MYO5B: variants seen among roughly 807,000 people sequenced by gnomAD.
The protein encoded by MYO5B is unconventional myosin-Vb.
A neutral mutation model predicts 229.3 loss-of-function variants in MYO5B; 143 were observed. The observed-to-expected ratio is 0.62, with a 90% confidence interval of 0.54 to 0.72. The LOEUF is 0.72. MYO5B is among the 30% of genes least tolerant of loss of function. The pLI is 0.00. For missense variants in MYO5B, 2,321 were observed against 2,331.0 expected (o/e 1.00, Z 0.09); for synonymous variants, 918 against 885.2 (o/e 1.04, Z -0.66).
intron 17 of MYO5B, among the ~76,000 whole-genome samples, chr18:49,919,689 C>G (rs1319311113): frequency 1.3e-5 from 2 of 152,152 alleles, no homozygotes; most frequent in African/African-American, 4.8e-5. Flanking sequence ...GATGAGAATG[C>G]ATAGAAACGG....
chr18:49,986,252 C>T (rs115298247), intron 7 of MYO5B, among the ~76,000 whole-genome samples: 3 of 152,292 alleles, frequency 2.0e-5, no homozygotes, highest in African/African-American at 4.8e-5. Context: ...TCTCTGCCTA[C>T]CTCTCCTTCC....
intron 1 of MYO5B, among the ~76,000 whole-genome samples, chr18:50,092,139 C>A (rs1211204702): frequency 6.6e-6 from 1 of 152,066 alleles, no homozygotes; most frequent in Admixed American, 6.5e-5. Context: ...TAAGGGCCAG[C>A]AGAAACAAAG....
Position 49,902,675 on chromosome 18 carries a change from G to C in MYO5B, c.2730C>G (p.Ala910=), listed in dbSNP as rs1421423679. ...GACGTTTCAGATGCTCTGCTGAGCG[G>C]GCCTCAATCCTGAGGGCCTTCAGCT... is the stretch of plus-strand genomic sequence containing the variant. The part of the protein sequence containing the change: ...RRELKALRIE[A]RSAEHLKRLN... Residue 910 remains alanine, a synonymous_variant, in exon 21 of 40, where the codon GCC becomes GCG. Coordinates refer to ENST00000285039, the MANE Select transcript of MYO5B (RefSeq NM_001080467.3). 6.2e-7 allele frequency: 1 copy of C among 1,613,070 alleles called. No individual in the cohort carries two copies. Among genetic ancestry groups the C allele is most frequent in the Non-Finnish European group, 8.5e-7 (1 of 1,180,028 alleles).
At chr18:50,162,741 G>A (rs543078814) in intron 1 of MYO5B, among the ~76,000 whole-genome samples, 1 of 152,330 alleles carries the variant, frequency 6.6e-6, no homozygotes, top group Admixed American at 6.5e-5. Context: ...GCCTCTAAGT[G>A]CTGCACTGTG....
chr18:50,073,405 C>T (rs1395435326), intron 1 of MYO5B, among the ~76,000 whole-genome samples: 3 of 152,182 alleles, frequency 2.0e-5, no homozygotes, highest in Admixed American at 6.5e-5. Flanking sequence ...TACATGCAAG[C>T]ATCGTGAGAA....
chr18:49,865,430 A>G (rs2024385004), intron 27 of MYO5B, among the ~76,000 whole-genome samples: 1 of 152,158 alleles, frequency 6.6e-6, no homozygotes, highest in Non-Finnish European at 1.5e-5. Flanking sequence ...ATTAATAATG[A>G]TCATTGATGA....
At chr18:49,829,545 G>C (rs4502326) in intron 39 of MYO5B, among the ~76,000 whole-genome samples, 11,376 of 152,210 alleles carry the variant, frequency 0.075, 928 homozygotes, top group East Asian at 0.3. Flanking sequence ...ATTAACACCA[G>C]TTCTCAAACT....
chr18:49,956,277 A>G (rs2025491540), intron 12 of MYO5B, among the ~76,000 whole-genome samples: 1 of 152,160 alleles, frequency 6.6e-6, no homozygotes, highest in Non-Finnish European at 1.5e-5. Context: ...AACTCATTTA[A>G]CCCTCATACA....
At chr18:50,112,813 G>C (rs2031890354) in intron 1 of MYO5B, among the ~76,000 whole-genome samples, 1 of 152,166 alleles carries the variant, frequency 6.6e-6, no homozygotes, top group Non-Finnish European at 1.5e-5. Context: ...ATTTTCAGCA[G>C]TGTAACATCC....
chr18:49,864,013 G>C, intron 28 of MYO5B, 128 bp downstream of exon 28: 1 of 1,395,094 alleles, frequency 7.2e-7, no homozygotes. Flanking sequence ...TTTTGGAGGA[G>C]ACCCCACAGC....
chr18:50,064,997 T>A (rs779787152), intron 1 of MYO5B, among the ~76,000 whole-genome samples: 4 of 152,174 alleles, frequency 2.6e-5, no homozygotes, highest in Non-Finnish European at 5.9e-5. Context: ...AGTTGGTTTG[T>A]CCTTACTCTG....
rs1555645746 is a variant in MYO5B, at chr18:49,942,396, A to AAAAAC, written c.1753-5000_1753-4999insGTTTT. Reference sequence around the variant, plus strand: ...TCTGCACAGCAAAAAAAAAAAAAAAAAAAAAAAAACTACCGTCAGAGTGAA... The same window carrying AAAAAC: ...TCTGCACAGCAAAAAAAAAAAAAAAAAAAACAAAAAAAAACTACCGTCAGAGTGAA... On this transcript the variant is annotated intron_variant, in intron 14 of 39. Transcript: ENST00000285039. Among the ~76,000 whole-genome samples, 338 of 134,014 alleles carry AAAAAC rather than the reference A, an allele frequency of 2.5e-3. 2 individuals are homozygous for AAAAAC. Among genetic ancestry groups the AAAAAC allele is most frequent in the African/African-American group, 8.4e-3 (288 of 34,272 alleles). The allele number at this position is 134,014 out of a possible 152,430, so 87.9% of individuals were successfully genotyped here.
chr18:50,043,022 G>A (rs1262488947), intron 2 of MYO5B, among the ~76,000 whole-genome samples: 3 of 151,872 alleles, frequency 2.0e-5, no homozygotes, highest in Non-Finnish European at 4.4e-5. Context: ...AAAATAGTGT[G>A]TAGATTCCTT....
intron 25 of MYO5B, 62 bp from the exon 26 acceptor site, chr18:49,875,889 A>G (rs981684908): frequency 5.0e-6 from 8 of 1,589,862 alleles, no homozygotes; most frequent in Admixed American, 3.3e-5. Context: ...GGGAACACAC[A>G]GCACTTCACT....
intron 18 of MYO5B, among the ~76,000 whole-genome samples, chr18:49,907,524 G>C (rs1403100343): frequency 6.6e-6 from 1 of 152,144 alleles, no homozygotes. Context: ...CATGATGACA[G>C]AGCTCTTTGT....
chr18:49,828,849 C>T (rs984204858), intron 39 of MYO5B, among the ~76,000 whole-genome samples: 1 of 151,126 alleles, frequency 6.6e-6, no homozygotes, highest in African/African-American at 2.4e-5. Context: ...ATATAATAAA[C>T]CAAAGCTTAT....
chr18:50,194,495 G>A (rs2033271786), intron 1 of MYO5B, among the ~76,000 whole-genome samples: 1 of 152,220 alleles, frequency 6.6e-6, no homozygotes. Context: ...CGGCGGGGAG[G>A]GGGCGACAGC....
chr18:49,904,650 G>T (rs1300434417), intron 20 of MYO5B, 22 bp downstream of exon 20: 5 of 1,613,948 alleles, frequency 3.1e-6, no homozygotes, highest in Non-Finnish European at 4.2e-6. Context: ...GCAGCCCTGA[G>T]GCCCTCAGAG....
At chr18:50,186,748 C>A (rs76181577) in intron 1 of MYO5B, among the ~76,000 whole-genome samples, 1,691 of 152,262 alleles carry the variant, frequency 0.011, 33 homozygotes, top group African/African-American at 0.038. Flanking sequence ...CTCCAGTAAC[C>A]TTCCCATGGT....
Sources: allele counts gnomAD v4.1 joint callset (sites outside exome capture counted in the v4.1 genomes callset), GRCh38; gene constraint gnomAD v4.1.1; transcripts MANE v1.5; gene names NCBI Gene and HGNC (gene_info 2026-07-23, HGNC 2026-07-21).